Variants in MSRA observed in about 807,000 individuals in gnomAD.
The protein encoded by MSRA is methionine sulfoxide reductase A.
In MSRA, 54 loss-of-function variants were observed where a neutral mutation model predicts 31.3. The ratio of observed to expected loss-of-function variants is 1.73; its 90% CI spans 1.39 to 2.17. MSRA has a LOEUF of 2.17. Ranked by LOEUF, MSRA falls within the 30% of genes most tolerant of loss-of-function variation. The pLI is 0.00. For synonymous variants in MSRA, 169 were observed against 116.5 expected, an observed-to-expected ratio of 1.45 and a Z score of -2.90; for missense variants, 507 against 300.9, an observed-to-expected ratio of 1.69 and a Z score of -5.07.
At chr8:10,230,822 T>C (rs1811406514) in intron 2 of MSRA, among the ~76,000 whole-genome samples, 1 of 152,214 alleles carries the variant, frequency 6.6e-6, no homozygotes, top group Admixed American at 6.5e-5. Context: ...TTTGCTCTCG[T>C]TGCCCAGGCT....
chr8:10,310,079 C>T (rs1039349879), intron 4 of MSRA, among the ~76,000 whole-genome samples: 1 of 152,130 alleles, frequency 6.6e-6, no homozygotes, highest in African/African-American at 2.4e-5. Flanking sequence ...TTGTGCTGAC[C>T]CCTTGAAGTT....
At chr8:10,109,533 G>A (rs1339347889) in intron 1 of MSRA, among the ~76,000 whole-genome samples, 3 of 151,776 alleles carry the variant, frequency 2.0e-5, no homozygotes, top group Non-Finnish European at 2.9e-5. Context: ...TGGTAGAGAC[G>A]GTTTTACCAT....
At chr8:10,424,878 T>C (rs1456485403) in intron 5 of MSRA, among the ~76,000 whole-genome samples, 2 of 152,200 alleles carry the variant, frequency 1.3e-5, no homozygotes, top group Non-Finnish European at 2.9e-5. Flanking sequence ...ATGCTGTCAC[T>C]TGTGCCGCAC....
At chr8:10,427,889 T>C (rs1809282896) in intron 5 of MSRA, among the ~76,000 whole-genome samples, 1 of 151,942 alleles carries the variant, frequency 6.6e-6, no homozygotes, top group African/African-American at 2.4e-5. Flanking sequence ...ATGGCAGGGG[T>C]GTGGGGGTAG....
At chr8:10,337,431 G>C in intron 5 of MSRA, 1 of 336,680 alleles carries the variant, frequency 3.0e-6, no homozygotes, top group Non-Finnish European at 5.4e-6. Flanking sequence ...CACCAGCCTC[G>C]GCCTCCCAAA....
At chr8:10,362,653 C>G (rs549967324) in intron 5 of MSRA, among the ~76,000 whole-genome samples, 1 of 152,042 alleles carries the variant, frequency 6.6e-6, no homozygotes, top group Non-Finnish European at 1.5e-5. Context: ...TGTCCCTGCT[C>G]CCCCACCAAT....
chr8:10,218,028 C>G (rs1476874508), intron 2 of MSRA, among the ~76,000 whole-genome samples: 1 of 151,910 alleles, frequency 6.6e-6, no homozygotes, highest in South Asian at 2.1e-4. Context: ...CTTGTATTTT[C>G]TACAAACCGA....
intron 1 of MSRA, 90 bp downstream of exon 1, chr8:10,054,748 G>A: frequency 7.6e-7 from 1 of 1,317,242 alleles, no homozygotes; most frequent in Non-Finnish European, 9.8e-7. Context: ...CCGGAAGGAA[G>A]CCGTGGGCTG....
intron 4 of MSRA, among the ~76,000 whole-genome samples, chr8:10,315,536 G>T (rs1801663305): frequency 6.6e-6 from 1 of 152,158 alleles, no homozygotes; most frequent in South Asian, 2.1e-4. Flanking sequence ...TATGTCTTAT[G>T]TACTTTTCTG....
chr8:10,219,100 T>A (rs1255585378), intron 2 of MSRA, among the ~76,000 whole-genome samples: 1 of 152,222 alleles, frequency 6.6e-6, no homozygotes, highest in African/African-American at 2.4e-5. Context: ...GAGGAGGTCT[T>A]GCTTCTAGAT....
intron 1 of MSRA, among the ~76,000 whole-genome samples, chr8:10,167,262 A>T (rs1450763171): frequency 1.3e-5 from 2 of 152,110 alleles, no homozygotes. Flanking sequence ...TTAACTGGAG[A>T]TTGGTGTCCA....
At chr8:10,088,641 C>T (rs369597124) in intron 1 of MSRA, among the ~76,000 whole-genome samples, 12 of 152,042 alleles carry the variant, frequency 7.9e-5, no homozygotes, top group South Asian at 4.2e-4. Flanking sequence ...GAGGCTGGGG[C>T]GAGAGAATCG....
chr8:10,288,075 G>A (rs1238811428), intron 3 of MSRA, among the ~76,000 whole-genome samples: 4 of 152,142 alleles, frequency 2.6e-5, no homozygotes, highest in East Asian at 1.9e-4. Context: ...GTTGGATTAC[G>A]AGCCCCATAC....
intron 1 of MSRA, among the ~76,000 whole-genome samples, chr8:10,207,050 C>T (rs1192623019): frequency 6.6e-6 from 1 of 152,160 alleles, no homozygotes; most frequent in Non-Finnish European, 1.5e-5. Flanking sequence ...CATAAGTGCT[C>T]CTATTCAAAA....
At chr8:10,269,036 C>T (rs1585320825) in intron 3 of MSRA, among the ~76,000 whole-genome samples, 1 of 152,340 alleles carries the variant, frequency 6.6e-6, no homozygotes, top group South Asian at 2.1e-4. Flanking sequence ...TGTTTCCTTG[C>T]ACAGTCGTTT....
intron 5 of MSRA, among the ~76,000 whole-genome samples, chr8:10,321,809 C>A (rs1428571098): frequency 1.3e-5 from 2 of 152,174 alleles, no homozygotes; most frequent in African/African-American, 4.8e-5. Flanking sequence ...ATCCCCTCAA[C>A]CCCAGTCAAG....
chr8:10,305,772 G>C (rs540350945), intron 4 of MSRA, among the ~76,000 whole-genome samples: 25 of 152,260 alleles, frequency 1.6e-4, no homozygotes, highest in African/African-American at 5.8e-4. Context: ...GGAAGGTGTA[G>C]GCTTTTTAAG....
intron 1 of MSRA, among the ~76,000 whole-genome samples, chr8:10,201,084 A>G (rs999100711): frequency 1.3e-5 from 2 of 152,132 alleles, no homozygotes; most frequent in Non-Finnish European, 2.9e-5. Flanking sequence ...ACAAAGAAAC[A>G]GATAAGAAGA....
intron 1 of MSRA, among the ~76,000 whole-genome samples, chr8:10,148,560 T>C (rs1049450808): frequency 5.3e-5 from 8 of 151,538 alleles, no homozygotes; most frequent in Admixed American, 1.3e-4. Context: ...GGCAGGAGAA[T>C]CTCTTGAACC....
Sources: gnomAD v4.1 joint callset for allele counts (sites outside exome capture counted in the v4.1 genomes callset) on GRCh38, gnomAD v4.1.1 for gene constraint, MANE v1.5 for transcripts, NCBI Gene and HGNC (gene_info 2026-07-23, HGNC 2026-07-21) for gene names.